Variants in DIAPH2 observed in about 807,000 individuals in gnomAD.
The protein encoded by DIAPH2 is protein diaphanous homolog 2.
A neutral mutation model predicts 92.7 loss-of-function variants in DIAPH2; 35 were observed. The ratio of observed to expected loss-of-function variants is 0.38; its 90% CI spans 0.29 to 0.50. The LOEUF is 0.50. Ranked by LOEUF, DIAPH2 falls within the 20% of genes least tolerant of loss-of-function variation. The pLI is 0.94. For missense variants in DIAPH2, 701 were observed against 819.5 expected, an observed-to-expected ratio of 0.86 and a Z score of 1.77; for synonymous variants, 301 against 280.4, an observed-to-expected ratio of 1.07 and a Z score of -0.73.
At chrX:97,262,303 T>C (rs1384014625) in intron 23 of DIAPH2, among the ~76,000 whole-genome samples, 1 of 111,423 alleles carries the variant, frequency 9.0e-6, no homozygotes, top group African/African-American at 3.3e-5. Context: ...GAGTAACATT[T>C]AGGCAGCTGT....
At chrX:97,532,781 A>G (rs1692341996) in intron 26 of DIAPH2, among the ~76,000 whole-genome samples, 1 of 109,280 alleles carries the variant, frequency 9.2e-6, no homozygotes, top group Admixed American at 9.9e-5. Flanking sequence ...TAAAACCCAT[A>G]TTAAGATATT....
chrX:97,599,145 G>T, intron 26 of DIAPH2, 108 bp from the exon 27 acceptor site: 1 of 439,828 alleles, frequency 2.3e-6, no homozygotes, highest in Non-Finnish European at 3.7e-6. Context: ...ATTTTCATTT[G>T]AAGTGATTTT....
At chrX:96,876,997 G>T (rs1327739794) in intron 4 of DIAPH2, among the ~76,000 whole-genome samples, 2 of 110,766 alleles carry the variant, frequency 1.8e-5, no homozygotes, top group African/African-American at 6.5e-5. Context: ...TATATTTTTT[G>T]ATACATAAAT....
Position 96,951,679 on chromosome X carries a change from A to G in DIAPH2, c.1614+2640A>G, listed in dbSNP as rs189631796. Among the ~76,000 whole-genome samples the G allele has an allele frequency of 1.3e-3, 148 of 111,656 alleles. 1 individual carries two copies. Among genetic ancestry groups the G allele is most frequent in the African/African-American group, 4.6e-3 (142 of 30,758 alleles). The stretch of plus-strand genomic sequence containing the variant: ...TCAAATACTAAATTATTCATTTACC[A>G]TATTCAATTTGCAATACGATGTGGT... On this transcript the variant is annotated intron_variant, in intron 15 of 26. Coordinates refer to ENST00000324765, the MANE Select transcript of DIAPH2 (RefSeq NM_006729.5).
At position 97,235,591 on chromosome X, in the gene DIAPH2, G is replaced by A. The variant is rs1264019602; in HGVS notation, c.2720-12124G>A. Among the ~76,000 whole-genome samples the A allele has an allele frequency of 6.8e-5, 6 of 88,652 alleles. No homozygotes were observed. In the Admixed American group the frequency reaches 8.1e-4, roughly 12 times the overall value. 77.0% of individuals were successfully genotyped at this position (88,652 alleles called of 115,157 possible). ...TGCACTCCAGCCTGTGGGATAGGGC[G>A]AGACTACGTCAAAAAAAAAAAAAAA... On this transcript the variant is annotated intron_variant, in intron 22 of 26. Transcript: ENST00000324765.
intron 21 of DIAPH2, among the ~76,000 whole-genome samples, chrX:97,116,664 A>G (rs1455822135): frequency 8.9e-6 from 1 of 112,004 alleles, no homozygotes; most frequent in African/African-American, 3.2e-5. Flanking sequence ...TTAAAATATC[A>G]TCAGAAATTT....
intron 13 of DIAPH2, 70 bp downstream of exon 13, chrX:96,942,206 TGAA>T: frequency 3.2e-6 from 2 of 628,874 alleles, no homozygotes; most frequent in Non-Finnish European, 5.2e-6. Context: ...ACTTTTTAAG[TGAA>T]GAAGTTCAGT....
chrX:97,592,556 T>G (rs1219287390), intron 26 of DIAPH2, among the ~76,000 whole-genome samples: 1 of 111,696 alleles, frequency 9.0e-6, no homozygotes, highest in Non-Finnish European at 1.9e-5. Flanking sequence ...TGCACAGAAG[T>G]TACCTCTAGC....
intron 23 of DIAPH2, among the ~76,000 whole-genome samples, chrX:97,253,764 A>G (rs56873871): frequency 0.016 from 1,725 of 108,740 alleles, 31 homozygotes; most frequent in African/African-American, 0.055. Flanking sequence ...TGAATAAATA[A>G]ATAATAATAA....
intron 26 of DIAPH2, among the ~76,000 whole-genome samples, chrX:97,462,133 C>G (rs1232255788): frequency 8.9e-6 from 1 of 111,744 alleles, no homozygotes; most frequent in African/African-American, 3.3e-5. Context: ...CTTTGTACCC[C>G]TGATGTACTC....
intron 23 of DIAPH2, among the ~76,000 whole-genome samples, chrX:97,252,208 C>T (rs1175102210): frequency 8.9e-6 from 1 of 111,822 alleles, no homozygotes; most frequent in Non-Finnish European, 1.9e-5. Flanking sequence ...TTGTCAATGG[C>T]AGGGTTTTCT....
chrX:97,097,964 A>T (rs1423165542), intron 19 of DIAPH2, among the ~76,000 whole-genome samples: 1 of 112,054 alleles, frequency 8.9e-6, no homozygotes, highest in African/African-American at 3.2e-5. Flanking sequence ...ATATGTGGTT[A>T]TATCCATATT....
chrX:97,358,038 T>A (rs977966094), intron 24 of DIAPH2, among the ~76,000 whole-genome samples: 1 of 111,893 alleles, frequency 8.9e-6, no homozygotes, highest in African/African-American at 3.3e-5. Flanking sequence ...CATGCTGAGT[T>A]CAAAGTGGAA....
intron 4 of DIAPH2, among the ~76,000 whole-genome samples, chrX:96,829,460 TAA>T (rs35434556): frequency 0.17 from 6,078 of 36,632 alleles, 187 homozygotes; most frequent in Middle Eastern, 0.32. Flanking sequence ...TATATATATA[TAA>T]AACAAGGCAA....
Position 96,966,085 on chromosome X carries a change from G to T in DIAPH2, c.2050+878G>T, listed in dbSNP as rs775352951. Among the ~76,000 whole-genome samples the T allele has an allele frequency of 2.7e-5, 3 of 111,372 alleles. No homozygotes were observed. In the South Asian group the frequency reaches 1.1e-3, roughly 42 times the overall value. ...AATATAAATTTTGGAAGATAGAGAG[G>T]TGTGAAAATTAGTTTCTTTTTTTTA... On this transcript the variant is annotated intron_variant, in intron 17 of 26. Coordinates refer to ENST00000324765, the MANE Select transcript of DIAPH2 (RefSeq NM_006729.5).
intron 21 of DIAPH2, among the ~76,000 whole-genome samples, chrX:97,138,313 G>A (rs1005228838): frequency 8.0e-5 from 9 of 111,888 alleles, no homozygotes; most frequent in African/African-American, 2.3e-4. Context: ...TTTTGGAGAT[G>A]TACTTGAACA....
At chrX:97,398,901 C>T (rs1400173528) in intron 25 of DIAPH2, among the ~76,000 whole-genome samples, 1 of 110,048 alleles carries the variant, frequency 9.1e-6, no homozygotes, top group Non-Finnish European at 1.9e-5. Context: ...CACCCACCAC[C>T]ACGCCTGGCT....
rs1242933185 is a variant in DIAPH2, at chrX:97,090,334, T to TTG, written c.2248-9360_2248-9359insTG. Among the ~76,000 whole-genome samples the TTG allele has an allele frequency of 6.0e-4, 39 of 65,235 alleles. 4 individuals are homozygous for TTG. The highest frequency in any genetic ancestry group is 2.4e-3 in the African/African-American group (36 of 14,791). The allele number at this position is 65,235 out of a possible 115,157, so 56.6% of individuals were successfully genotyped here. The stretch of plus-strand genomic sequence containing the variant: ...TTTTTTTTTTTTTTTTTTTTTTTTT[T>TTG]GAGAAAGAGCTCTGGGGCAGTGGGC... On this transcript the variant is annotated intron_variant, in intron 19 of 26. Transcript: ENST00000324765.
chrX:97,597,601 G>A (rs930865655), intron 26 of DIAPH2, among the ~76,000 whole-genome samples: 4 of 111,894 alleles, frequency 3.6e-5, no homozygotes, highest in African/African-American at 6.5e-5. Flanking sequence ...TCATTCTCAC[G>A]TCTGGTAGCT....
Sources: gnomAD v4.1 joint callset for allele counts (sites outside exome capture counted in the v4.1 genomes callset) on GRCh38, gnomAD v4.1.1 for gene constraint, MANE v1.5 for transcripts, NCBI Gene and HGNC (gene_info 2026-07-23, HGNC 2026-07-21) for gene names.